Variants in EXOC4 observed in about 807,000 individuals in gnomAD.
EXOC4 encodes the protein SEC8-like 1.
A neutral mutation model predicts 107.2 loss-of-function variants in EXOC4; 71 were observed. The observed-to-expected ratio is 0.66, with a 90% CI of 0.55 to 0.81. The LOEUF is 0.81. EXOC4 is among the 30% of genes least tolerant of loss of function. The probability of loss-of-function intolerance (pLI) is 0.00; values close to 1 mark genes in which losing one functional copy is unlikely to be tolerated. For synonymous variants in EXOC4, 456 were observed against 441.2 expected (o/e 1.03, Z -0.42); for missense variants, 1,108 against 1,189.6 (o/e 0.93, Z 1.01).
intron 9 of EXOC4, among the ~76,000 whole-genome samples, chr7:133,515,172 G>A (rs1205351468): frequency 2.0e-5 from 3 of 152,038 alleles, no homozygotes; most frequent in Admixed American, 2.0e-4. Flanking sequence ...ACTGAGAGGA[G>A]GATAAAGAAC....
chr7:133,389,460 C>T (rs1796801430), intron 7 of EXOC4, among the ~76,000 whole-genome samples: 1 of 151,228 alleles, frequency 6.6e-6, no homozygotes, highest in South Asian at 2.1e-4. Flanking sequence ...GTAATCCCAG[C>T]TACTTGGGAG....
the EXOC4 span, among the ~76,000 whole-genome samples, chr7:134,076,660 T>C: frequency 2.7e-5 from 4 of 150,812 alleles, no homozygotes; most frequent in Non-Finnish European, 5.9e-5. Context: ...AAACAAAAAA[T>C]ATATAAATAT....
intron 7 of EXOC4, chr7:133,396,185 T>A (rs1796967823): frequency 6.6e-6 from 1 of 152,172 alleles, no homozygotes; most frequent in Non-Finnish European, 1.5e-5. Flanking sequence ...TAGTAAGCCC[T>A]CCTGGTTTTT....
intron 10 of EXOC4, 122 bp from the exon 11 acceptor site, chr7:133,817,203 A>G (rs1797392730): frequency 3.1e-6 from 2 of 642,526 alleles, no homozygotes; most frequent in Non-Finnish European, 5.5e-6. Context: ...AGAGATGAGT[A>G]TTATTGATGA....
intron 1 of EXOC4, among the ~76,000 whole-genome samples, chr7:133,254,985 A>C (rs546354992): frequency 6.6e-6 from 1 of 152,146 alleles, no homozygotes; most frequent in South Asian, 2.1e-4. Flanking sequence ...CAGAACATAC[A>C]TTGCCTTTGC....
At chr7:133,348,750 G>A (rs1204197268) in intron 5 of EXOC4, among the ~76,000 whole-genome samples, 2 of 152,142 alleles carry the variant, frequency 1.3e-5, no homozygotes, top group East Asian at 3.8e-4. Flanking sequence ...CTTTCCTGAA[G>A]TATCTAGCTT....
At chr7:133,463,793 G>GGGAAGAA (rs1189289556) in intron 7 of EXOC4, among the ~76,000 whole-genome samples, 2 of 152,064 alleles carry the variant, frequency 1.3e-5, no homozygotes, top group Non-Finnish European at 2.9e-5. Context: ...TAGCGCAAAG[G>GGGAAGAA]GGAAGAAGGA....
At chr7:133,742,379 T>C (rs1795583933) in intron 10 of EXOC4, among the ~76,000 whole-genome samples, 2 of 152,216 alleles carry the variant, frequency 1.3e-5, no homozygotes, top group Admixed American at 1.3e-4. Context: ...CAATGCAACA[T>C]GATACCCTGG....
At chr7:133,712,148 G>A (rs1794905608) in intron 10 of EXOC4, among the ~76,000 whole-genome samples, 1 of 152,034 alleles carries the variant, frequency 6.6e-6, no homozygotes, top group African/African-American at 2.4e-5. Flanking sequence ...TTAAAAAATT[G>A]GAGCCCTCTG....
chr7:133,757,161 G>C (rs1795935970), intron 10 of EXOC4, among the ~76,000 whole-genome samples: 1 of 152,010 alleles, frequency 6.6e-6, no homozygotes, highest in Admixed American at 6.6e-5. Context: ...TTTTTCCAGG[G>C]CCCTCTTCTT....
At chr7:133,583,636 G>A (rs962066023) in intron 9 of EXOC4, among the ~76,000 whole-genome samples, 14 of 152,170 alleles carry the variant, frequency 9.2e-5, no homozygotes, top group African/African-American at 3.4e-4. Flanking sequence ...TTAGAGGAAA[G>A]CAACCAGTTC....
intron 7 of EXOC4, among the ~76,000 whole-genome samples, chr7:133,458,698 A>G (rs1798519608): frequency 4.6e-5 from 7 of 152,230 alleles, no homozygotes; most frequent in Admixed American, 4.6e-4. Context: ...CTCAGAAAAG[A>G]ATACTAAGAC....
At chr7:133,577,087 G>T in intron 9 of EXOC4, among the ~76,000 whole-genome samples, 1 of 152,136 alleles carries the variant, frequency 6.6e-6, no homozygotes, top group East Asian at 1.9e-4. Context: ...TGTGAGTTAT[G>T]ATAGACGCAA....
At chr7:133,841,925 GT>G (rs1798032103) in intron 11 of EXOC4, among the ~76,000 whole-genome samples, 1 of 152,104 alleles carries the variant, frequency 6.6e-6, no homozygotes. Flanking sequence ...TTGATTTTCT[GT>G]TTCTGAATGA....
chr7:133,415,386 G>A (rs964588519), intron 7 of EXOC4, among the ~76,000 whole-genome samples: 1 of 150,304 alleles, frequency 6.7e-6, no homozygotes, highest in Admixed American at 6.7e-5. Flanking sequence ...CCCACCAGCA[G>A]CATCAGAGGG....
intron 17 of EXOC4, among the ~76,000 whole-genome samples, chr7:134,008,666 A>G (rs1428296546): frequency 1.3e-5 from 2 of 152,044 alleles, no homozygotes; most frequent in African/African-American, 4.8e-5. Flanking sequence ...TTTAAGTGAC[A>G]GGGTATTGCT....
chr7:133,947,148 G>C (rs911316869), intron 14 of EXOC4, among the ~76,000 whole-genome samples: 1 of 152,130 alleles, frequency 6.6e-6, no homozygotes, highest in African/African-American at 2.4e-5. Context: ...TACTCATTGG[G>C]TTGCTCTAAC....
intron 13 of EXOC4, among the ~76,000 whole-genome samples, chr7:133,922,744 G>C (rs1406187875): frequency 6.6e-6 from 1 of 152,048 alleles, no homozygotes; most frequent in Non-Finnish European, 1.5e-5. Context: ...AGCTACTCAG[G>C]AGGCTGAGGC....
intron 9 of EXOC4, among the ~76,000 whole-genome samples, chr7:133,530,118 T>C (rs1800153440): frequency 6.6e-6 from 1 of 152,190 alleles, no homozygotes; most frequent in Non-Finnish European, 1.5e-5. Context: ...ATTCCAGAGC[T>C]CAGGCTCTCA....
Sources: gnomAD v4.1 joint callset for allele counts (sites outside exome capture counted in the v4.1 genomes callset) on GRCh38, gnomAD v4.1.1 for gene constraint, MANE v1.5 for transcripts, NCBI Gene and HGNC (gene_info 2026-07-23, HGNC 2026-07-21) for gene names.